CCN4: variants seen among roughly 807,000 people sequenced by gnomAD.
CCN4 encodes the protein CCN family member 4.
A neutral mutation model predicts 36.7 loss-of-function variants in CCN4; 30 were observed. The ratio of observed to expected loss-of-function variants is 0.82; its 90% confidence interval spans 0.61 to 1.11. The LOEUF (loss-of-function observed/expected upper bound fraction) is 1.11. Among genes scored for constraint, CCN4 ranks in the 50% least tolerant of loss-of-function variants. CCN4 has a pLI of 0.00. For synonymous variants in CCN4, 191 were observed against 195.4 expected (o/e 0.98, Z 0.19); for missense variants, 505 against 504.9 (o/e 1.00, Z 0.00).
chr8:133,224,878 T>C (rs1023543458), intron 3 of CCN4, among the ~76,000 whole-genome samples: 1 of 150,346 alleles, frequency 6.7e-6, no homozygotes, highest in African/African-American at 2.5e-5. Flanking sequence ...GAGGTTGCAG[T>C]GAGCTGAGAT....
At chr8:133,200,352 G>A (rs371800395) in intron 1 of CCN4, among the ~76,000 whole-genome samples, 13 of 152,312 alleles carry the variant, frequency 8.5e-5, no homozygotes, top group African/African-American at 2.6e-4. Context: ...ACTGGAAGAC[G>A]ATCCCCACTA....
At chr8:133,227,387 G>A (rs374212485) in intron 4 of CCN4, 24 bp from the exon 5 acceptor site, 40 of 1,588,230 alleles carry the variant, frequency 2.5e-5, no homozygotes, top group Non-Finnish European at 3.4e-5. Flanking sequence ...CACTCCCACT[G>A]AAAGCTCCTT....
At chr8:133,216,354 T>C (rs1399354314) in intron 2 of CCN4, among the ~76,000 whole-genome samples, 1 of 152,208 alleles carries the variant, frequency 6.6e-6, no homozygotes, top group Non-Finnish European at 1.5e-5. Context: ...CCCTGGCTTA[T>C]ATAACTCAAA....
intron 1 of CCN4, among the ~76,000 whole-genome samples, chr8:133,207,631 A>C (rs115105104): frequency 0.013 from 2,028 of 152,282 alleles, 35 homozygotes; most frequent in African/African-American, 0.04. Context: ...CTCACTGCTC[A>C]GGGGAACATT....
At chr8:133,193,899 ACGT>A (rs1450770059) in intron 1 of CCN4, among the ~76,000 whole-genome samples, 1 of 152,146 alleles carries the variant, frequency 6.6e-6, no homozygotes, top group Admixed American at 6.6e-5. Context: ...GACAGGGGTA[ACGT>A]CAGCCAGAGT....
At chr8:133,194,257 G>A (rs891588128) in intron 1 of CCN4, among the ~76,000 whole-genome samples, 3 of 150,118 alleles carry the variant, frequency 2.0e-5, no homozygotes, top group African/African-American at 7.4e-5. Flanking sequence ...GAGGGTGTGT[G>A]GGGGTATGCG....
chr8:133,200,222 C>A (rs147894824), intron 1 of CCN4, among the ~76,000 whole-genome samples: 1 of 152,218 alleles, frequency 6.6e-6, no homozygotes, highest in Non-Finnish European at 1.5e-5. Flanking sequence ...GGAAGGCCCA[C>A]AGTGATCCCT....
In CCN4 at chr8:133,229,477, C is replaced by T. The variant is rs747836264; in HGVS notation, c.*1767C>T. On this transcript the variant is annotated 3_prime_UTR_variant, in exon 5 of 5. Coordinates refer to ENST00000250160, the MANE Select transcript of CCN4 (RefSeq NM_003882.4). ...CTGTAGCTTATTCCCTCTTTCCCAT[C>T]GGAACCAGCTCTCATCACACATTTA... 5.9e-5 allele frequency: 9 copies of T among 152,218 alleles called. No homozygotes were observed. Among genetic ancestry groups the T allele is most frequent in the African/African-American group, 9.6e-5 (4 of 41,456 alleles). The allele number at this position is 152,218 out of a possible 1,614,324, so 9.4% of individuals were successfully genotyped here. A position where few individuals can be genotyped will look rare whatever the true frequency, so the allele number is the denominator to read the frequency against.
intron 1 of CCN4, among the ~76,000 whole-genome samples, chr8:133,206,235 C>T (rs1024973762): frequency 1.3e-5 from 2 of 152,210 alleles, no homozygotes; most frequent in African/African-American, 2.4e-5. Flanking sequence ...CCAGACCAAC[C>T]ACTCAAGGTC....
intron 1 of CCN4, among the ~76,000 whole-genome samples, chr8:133,211,548 G>T (rs943613574): frequency 3.9e-5 from 6 of 152,164 alleles, no homozygotes; most frequent in African/African-American, 1.4e-4. Context: ...CCCTGTAAAG[G>T]AGGAAAGAAT....
Position 133,230,137 on chromosome 8 carries a change from T to G in CCN4, c.*2427T>G, listed in dbSNP as rs1296045753. On this transcript the variant is annotated 3_prime_UTR_variant, in exon 5 of 5. Coordinates refer to ENST00000250160, the MANE Select transcript of CCN4 (RefSeq NM_003882.4). Reference sequence around the variant, plus strand: ...TATTCTGGCAATGGGTGCAGGAAGGTGGTCAGAATAACCCAGTCGCCATTG... The same window carrying G: ...TATTCTGGCAATGGGTGCAGGAAGGGGGTCAGAATAACCCAGTCGCCATTG... 1 of 152,206 alleles carries G rather than the reference T, an allele frequency of 6.6e-6. No homozygotes were observed. Among genetic ancestry groups the G allele is most frequent in the Non-Finnish European group, 1.5e-5 (1 of 68,032 alleles). The allele number at this position is 152,206 out of a possible 1,614,324, so 9.4% of individuals were successfully genotyped here. A position where few individuals can be genotyped will look rare whatever the true frequency, so the allele number is the denominator to read the frequency against.
chr8:133,220,375 C>T lies in CCN4; in HGVS notation c.350-206C>T, dbSNP rs73711820. On this transcript the variant is annotated intron_variant, in intron 2 of 4. Transcript: ENST00000250160. ...GAAGCTATAAAGGAACTCCTGCACT[C>T]CCTTTGCTGAAGTTCCACCAAACAC... Among the ~76,000 whole-genome samples, 781 of 152,336 alleles carry T rather than the reference C, an allele frequency of 5.1e-3. 5 individuals carry two copies. Among genetic ancestry groups the T allele is most frequent in the African/African-American group, 0.018 (732 of 41,564 alleles).
At chr8:133,194,975 GT>G (rs1564248940) in intron 1 of CCN4, among the ~76,000 whole-genome samples, 2 of 146,698 alleles carry the variant, frequency 1.4e-5, no homozygotes, top group East Asian at 4.1e-4. Context: ...TGTGGTGTGT[GT>G]GTTGAGTGTG....
At chr8:133,212,200 C>T (rs1854070177) in intron 1 of CCN4, among the ~76,000 whole-genome samples, 1 of 152,104 alleles carries the variant, frequency 6.6e-6, no homozygotes, top group South Asian at 2.1e-4. Context: ...TAAAAGGGCT[C>T]CTCCATGTAG....
intron 3 of CCN4, among the ~76,000 whole-genome samples, chr8:133,223,554 T>C (rs1452849974): frequency 6.6e-6 from 1 of 152,118 alleles, no homozygotes; most frequent in Admixed American, 6.5e-5. Context: ...ATTTCTCTTC[T>C]TTTCTGTGTT....
intron 2 of CCN4, among the ~76,000 whole-genome samples, chr8:133,215,166 G>A (rs1039273820): frequency 3.3e-5 from 5 of 152,190 alleles, no homozygotes; most frequent in African/African-American, 9.7e-5. Context: ...CATCTGATAT[G>A]TTGATTATAA....
chr8:133,221,369 C>T (rs1419016005), intron 3 of CCN4, among the ~76,000 whole-genome samples: 3 of 152,196 alleles, frequency 2.0e-5, no homozygotes, highest in African/African-American at 7.2e-5. Context: ...CAGTGCCATA[C>T]ACTTAGCAGG....
intron 1 of CCN4, among the ~76,000 whole-genome samples, chr8:133,201,397 T>C (rs1853582943): frequency 6.6e-6 from 1 of 152,168 alleles, no homozygotes; most frequent in Non-Finnish European, 1.5e-5. Flanking sequence ...GGGTATTAAC[T>C]AGAGAAAGTT....
In CCN4 at chr8:133,220,654, G is replaced by C; in HGVS notation, c.423G>C (p.Lys141Asn). 1 of 1,614,194 alleles carries C rather than the reference G, an allele frequency of 6.2e-7. No homozygotes were observed. Among genetic ancestry groups the C allele is most frequent in the Non-Finnish European group, 8.5e-7 (1 of 1,180,016 alleles). ...NNGQSFQPNC[K>N]YNCTCIDGAV... ...GCCAGTCCTTCCAGCCTAACTGCAA[G>C]TACAACTGCACGTGCATCGACGGCG... is the stretch of plus-strand genomic sequence containing the variant. Residue 141 changes from lysine to asparagine, a missense_variant, in exon 3 of 5, where the codon AAG becomes AAC. Lys to Asn is a moderately conservative substitution (Grantham distance 94). Transcript: ENST00000250160.
Sources: gnomAD v4.1 joint callset for allele counts (sites outside exome capture counted in the v4.1 genomes callset) on GRCh38, gnomAD v4.1.1 for gene constraint, MANE v1.5 for transcripts, NCBI Gene and HGNC (gene_info 2026-07-23, HGNC 2026-07-21) for gene names.